The following CHSY1 variants were observed in gnomAD, a reference collection of about 807,000 sequenced individuals.
CHSY1 encodes the protein chondroitin sulfate synthase 1, also known as N-acetylgalactosaminyl-proteoglycan 3-beta-glucuronosyltransferase 1.
Under a neutral mutation model 59.8 loss-of-function variants are expected in CHSY1, and 13 were observed. The observed-to-expected ratio is 0.22, with a 90% confidence interval of 0.14 to 0.35. The LOEUF is 0.35. Among genes scored for constraint, CHSY1 ranks in the 10% least tolerant of loss-of-function variants. The probability of loss-of-function intolerance (pLI) is 1.00; values close to 1 mark genes in which losing one functional copy is unlikely to be tolerated. For missense variants in CHSY1, 947 were observed against 1,030.6 expected, an observed-to-expected ratio of 0.92 and a Z score of 1.11; for synonymous variants, 459 against 401.2, an observed-to-expected ratio of 1.14 and a Z score of -1.72.
At position 101,178,027 on chromosome 15, in the gene CHSY1, G is replaced by A. The variant is rs972518849; in HGVS notation, c.1770C>T (p.Tyr590=). 1 of 1,614,158 alleles carries A rather than the reference G, an allele frequency of 6.2e-7. No homozygotes were observed. The highest frequency in any genetic ancestry group is 1.7e-5 in the Admixed American group (1 of 60,010). ...TGTCGGCTTTAGGGTACTTAATGCG[G>A]TAATCTCTCATCAGTTCAACTTGTT... ...KAKQVELMRD[Y]RIKYPKADMQ... is the part of the protein sequence containing the mutation. The change falls in exon 3 of 3, where the codon TAC becomes TAT. Residue 590 remains tyrosine, a synonymous_variant. Transcript: ENST00000254190.
chr15:101,186,140 T>A, intron 2 of CHSY1, among the ~76,000 whole-genome samples: 2 of 131,908 alleles, frequency 1.5e-5, no homozygotes, highest in African/African-American at 2.9e-5. Flanking sequence ...TGAAACCTTG[T>A]CTCTACCAAA....
chr15:101,178,371 T>G lies in CHSY1; in HGVS notation c.1426A>C (p.Thr476Pro). Reference sequence around the variant, plus strand: ...TCCACAAACTGGATTTTGCTGAAAGTCTGCTGTAAATACGCGTGCCTCCTC... The same window carrying G: ...TCCACAAACTGGATTTTGCTGAAAGGCTGCTGTAAATACGCGTGCCTCCTC... ...PVRRHAYLQQ[T>P]FSKIQFVEHE... Residue 476 changes from threonine (T) to proline (P), a missense_variant, in exon 3 of 3, where the codon ACT (threonine) becomes CCT (proline). Physicochemically the swap from Thr to Pro is conservative, Grantham distance 38. This residue lies in a region of CHSY1 where 602 missense variants were observed against 676.9 expected (regional missense o/e 0.89). Coordinates refer to ENST00000254190, the MANE Select transcript of CHSY1 (RefSeq NM_014918.5). 6.2e-7 allele frequency: 1 copy of G among 1,608,912 alleles called. No individual in the cohort carries two copies. Among genetic ancestry groups the G allele is most frequent in the Non-Finnish European group, 8.5e-7 (1 of 1,175,820 alleles).
rs567957962 is a variant in CHSY1, at chr15:101,235,253, A to T, written c.645T>A (p.Gly215=). The part of the protein sequence containing the change: ...EEMGKLALEP[G]ENFCMGGPGV... Reference sequence around the variant, plus strand: ...CAGGCCCCCCCATGCAGAAGTTCTCACCAGGCTCCAGGGCCAGTTTTCCCA... The same window carrying T: ...CAGGCCCCCCCATGCAGAAGTTCTCTCCAGGCTCCAGGGCCAGTTTTCCCA... Residue 215 remains glycine (G), a synonymous_variant, in exon 2 of 3, where the codon GGT becomes GGA. Transcript: ENST00000254190. 1.1e-5 allele frequency: 18 copies of T among 1,613,876 alleles called. No individual in the cohort carries two copies. In the Admixed American group the frequency reaches 2.3e-4, roughly 21 times the overall value.
At chr15:101,234,833 C>T (rs970694549) in intron 2 of CHSY1, among the ~76,000 whole-genome samples, 2 of 152,128 alleles carry the variant, frequency 1.3e-5, no homozygotes, top group Admixed American at 1.3e-4. Flanking sequence ...CGCCACTGCA[C>T]TCCAGCCTGG....
Position 101,235,148 on chromosome 15 carries a change from A to G in CHSY1, c.750T>C (p.His250=). The G allele has an allele frequency of 5.6e-6, 9 of 1,614,102 alleles. No homozygotes were observed. The highest frequency in any genetic ancestry group is 7.6e-6 in the Non-Finnish European group (9 of 1,180,008). ...CACACCTTCCCACCTCCACGTCCTC[A>G]TGGGTGGTGTACATCTCCCGGAGAC... is the stretch of plus-strand genomic sequence containing the variant. ...GKCLREMYTT[H]EDVEVGRCVR... The change falls in exon 2 of 3, where the codon CAT becomes CAC. Residue 250 remains histidine (H), a synonymous_variant. Coordinates refer to ENST00000254190, the MANE Select transcript of CHSY1 (RefSeq NM_014918.5).
chr15:101,252,029 C>T lies in CHSY1; in HGVS notation c.-573G>A, dbSNP rs1300038177. The T allele has an allele frequency of 1.3e-5, 2 of 150,096 alleles. No homozygotes were observed. Among genetic ancestry groups the T allele is most frequent in the African/African-American group, 2.4e-5 (1 of 40,888 alleles). 9.3% of individuals were successfully genotyped at this position (150,096 alleles called of 1,614,324 possible). A position where few individuals can be genotyped will look rare whatever the true frequency, so the allele number is the denominator to read the frequency against. On this transcript the variant is annotated 5_prime_UTR_variant, in exon 1 of 3. Transcript: ENST00000254190. Reference sequence around the variant, plus strand: ...CCTCTCGGGATCCGTCCGCGCCGCGCGATTGGCGCAAAAGTGAATGAGGGG... The same window carrying T: ...CCTCTCGGGATCCGTCCGCGCCGCGTGATTGGCGCAAAAGTGAATGAGGGG...
intron 2 of CHSY1, among the ~76,000 whole-genome samples, chr15:101,196,013 CT>C (rs1394151513): frequency 2.6e-5 from 4 of 151,806 alleles, no homozygotes. Context: ...CTTTGGGAGG[CT>C]GAGGCAGGTG....
intron 2 of CHSY1, among the ~76,000 whole-genome samples, chr15:101,194,134 C>T (rs1198608120): frequency 6.6e-6 from 1 of 152,254 alleles, no homozygotes; most frequent in East Asian, 1.9e-4. Flanking sequence ...CTTCATGTAG[C>T]TACGGAGCGC....
rs1244268573 is a variant in CHSY1, at chr15:101,178,498, C to T, written c.1299G>A (p.Gln433=). The T allele has an allele frequency of 8.1e-6, 13 of 1,614,246 alleles. No homozygotes were observed. Among genetic ancestry groups the T allele is most frequent in the Non-Finnish European group, 1.1e-5 (13 of 1,180,052 alleles). Residue 433 remains glutamine, a synonymous_variant, in exon 3 of 3, where the codon CAG becomes CAA. Coordinates refer to ENST00000254190, the MANE Select transcript of CHSY1 (RefSeq NM_014918.5). ...TGGGGTTCACCCGGCGGTAGCCGTA[C>T]TGGATCTCTTTGAAGTCAATGATGC... ...RGRIIDFKEI[Q]YGYRRVNPMY...
chr15:101,188,269 G>A (rs754801611), intron 2 of CHSY1: 10 of 795,418 alleles, frequency 1.3e-5, no homozygotes, highest in South Asian at 1.2e-4. Flanking sequence ...TCAAGAGACC[G>A]TAACTGCTGG....
At chr15:101,214,984 A>G (rs1178468029) in intron 2 of CHSY1, among the ~76,000 whole-genome samples, 1 of 152,110 alleles carries the variant, frequency 6.6e-6, no homozygotes, top group Non-Finnish European at 1.5e-5. Context: ...TCGTTTTTTA[A>G]AAGTGTGCGG....
chr15:101,192,463 A>G (rs2038456634), intron 2 of CHSY1, among the ~76,000 whole-genome samples: 1 of 151,480 alleles, frequency 6.6e-6, no homozygotes. Context: ...ACAGCCAGGC[A>G]GGGGTCTGGG....
intron 2 of CHSY1, among the ~76,000 whole-genome samples, chr15:101,219,551 A>G (rs566329672): frequency 2.8e-4 from 42 of 152,332 alleles, no homozygotes; most frequent in African/African-American, 8.7e-4. Flanking sequence ...AAACCTCTGT[A>G]ACACAGGGCC....
intron 2 of CHSY1, among the ~76,000 whole-genome samples, chr15:101,203,686 G>A (rs920091215): frequency 6.6e-6 from 1 of 152,172 alleles, no homozygotes; most frequent in Non-Finnish European, 1.5e-5. Flanking sequence ...CTGCCTGTAT[G>A]GATCATACAC....
At chr15:101,248,192 G>A (rs2039069871) in intron 1 of CHSY1, among the ~76,000 whole-genome samples, 1 of 152,150 alleles carries the variant, frequency 6.6e-6, no homozygotes, top group South Asian at 2.1e-4. Context: ...ATACTGAACT[G>A]TGCATGGAAT....
chr15:101,191,668 G>T (rs1159319849), intron 2 of CHSY1, among the ~76,000 whole-genome samples: 1 of 152,166 alleles, frequency 6.6e-6, no homozygotes, highest in African/African-American at 2.4e-5. Flanking sequence ...TGCACGTGTA[G>T]GGGCAGGCGC....
At chr15:101,215,151 G>T (rs889784732) in intron 2 of CHSY1, among the ~76,000 whole-genome samples, 1 of 152,148 alleles carries the variant, frequency 6.6e-6, no homozygotes. Flanking sequence ...AGAACCATGA[G>T]CCAATTAAAC....
intron 2 of CHSY1, among the ~76,000 whole-genome samples, chr15:101,215,710 G>A (rs2038725759): frequency 6.6e-6 from 1 of 152,212 alleles, no homozygotes; most frequent in African/African-American, 2.4e-5. Context: ...ACTCCAGCCT[G>A]GGCAACAAAT....
chr15:101,196,951 C>G (rs1231499820), intron 2 of CHSY1, among the ~76,000 whole-genome samples: 1 of 152,200 alleles, frequency 6.6e-6, no homozygotes, highest in Non-Finnish European at 1.5e-5. Flanking sequence ...TGGTACATTC[C>G]TAGAACAAAA....
Sources: allele counts gnomAD v4.1 joint callset (sites outside exome capture counted in the v4.1 genomes callset), GRCh38; gene constraint gnomAD v4.1.1; regional missense constraint gnomAD v4.1.1; transcripts MANE v1.5; gene names NCBI Gene and HGNC (gene_info 2026-07-23, HGNC 2026-07-21).